The following KDM5D variants were observed in gnomAD, a reference collection of about 807,000 sequenced individuals.
KDM5D encodes the protein lysine-specific demethylase 5D.
Under a neutral mutation model 31.9 loss-of-function variants are expected in KDM5D, and 25 were observed. The observed-to-expected ratio is 0.78, with a 90% CI of 0.57 to 1.09. KDM5D has a LOEUF of 1.09. KDM5D is among the 50% of genes least tolerant of loss of function. The pLI, the probability that KDM5D is intolerant of heterozygous loss-of-function variation, is 0.00. For missense variants in KDM5D, 366 were observed against 341.6 expected, an observed-to-expected ratio of 1.07 and a Z score of -0.56; for synonymous variants, 146 against 122.3, an observed-to-expected ratio of 1.19 and a Z score of -1.28.
intron 11 of KDM5D, among the ~76,000 whole-genome samples, chrY:19,730,180 C>T: frequency 3.0e-5 from 1 of 33,853 alleles, no homozygotes; most frequent in Admixed American, 2.7e-4. Flanking sequence ...AGAGAACACA[C>T]AACGTAACAT....
intron 11 of KDM5D, among the ~76,000 whole-genome samples, chrY:19,724,706 G>C (rs2045417739): frequency 3.0e-5 from 1 of 33,345 alleles, no homozygotes; most frequent in African/African-American, 1.2e-4. Flanking sequence ...AGTATTGGAA[G>C]TTCTGGCCAG....
chrY:19,718,575 G>A (rs752789125), intron 13 of KDM5D, among the ~76,000 whole-genome samples: 1 of 34,168 alleles, frequency 2.9e-5, no homozygotes, highest in South Asian at 6.4e-4. Context: ...GACTTTTCTG[G>A]AGAAATTAAA....
chrY:19,709,509 C>T lies in KDM5D; in HGVS notation c.2884G>A (p.Glu962Lys). The change falls in exon 20 of 27, where the codon GAA (glutamate) becomes AAA (lysine). Residue 962 changes from glutamate (E) to lysine (K), a missense_variant. Transcript: ENST00000317961. ...SVDKARAELQ[E>K]LLTIAERWEE... ...CAGCGCTCTGCAATGGTCAGTAGTT[C>T]TTGCAGCTCAGCCCGGGCCTTGTCC... The T allele has an allele frequency of 5.0e-6, 2 of 396,882 alleles. No individual in the cohort carries two copies. Among genetic ancestry groups the T allele is most frequent in the Non-Finnish European group, 7.1e-6 (2 of 282,998 alleles).
intron 5 of KDM5D, among the ~76,000 whole-genome samples, chrY:19,740,435 G>A: frequency 3.1e-5 from 1 of 32,161 alleles, no homozygotes; most frequent in Admixed American, 2.8e-4. Flanking sequence ...GCATAGTCAC[G>A]CGCCTGTAGC....
At chrY:19,742,448 A>C (rs2045559446) in intron 3 of KDM5D, among the ~76,000 whole-genome samples, 1 of 34,274 alleles carries the variant, frequency 2.9e-5, no homozygotes, top group South Asian at 6.4e-4. Context: ...AAAGCAGAAC[A>C]TATGTAATAC....
chrY:19,709,434 G>A lies in KDM5D; in HGVS notation c.2942+17C>T. On this transcript the variant is annotated intron_variant, in intron 20 of 26. Coordinates refer to ENST00000317961, the MANE Select transcript of KDM5D (RefSeq NM_004653.5). Reference sequence around the variant, plus strand: ...GGATTATAGTCAAGATACAGACAGGGAGAGACTACGCCCCACCTGGCCTCC... The same window carrying A: ...GGATTATAGTCAAGATACAGACAGGAAGAGACTACGCCCCACCTGGCCTCC... 2.5e-6 allele frequency: 1 copy of A among 398,098 alleles called. No individual in the cohort carries two copies. Among genetic ancestry groups the A allele is most frequent in the Non-Finnish European group, 3.5e-6 (1 of 282,986 alleles).
chrY:19,715,345 C>T lies in KDM5D; in HGVS notation c.2486+7G>A. 2.5e-6 allele frequency: 1 copy of T among 397,592 alleles called. No individual in the cohort carries two copies. The highest frequency in any genetic ancestry group is 3.5e-6 in the Non-Finnish European group (1 of 282,704). ...GACACCCTTCTTTGCCTTCTCCTCTCACGTACCTGGCCACCTGACCACTGA... is the reference window on the plus strand; with the variant it reads ...GACACCCTTCTTTGCCTTCTCCTCTTACGTACCTGGCCACCTGACCACTGA... On this transcript the variant is annotated splice_region_variant and intron_variant, in intron 18 of 26. Coordinates refer to ENST00000317961, the MANE Select transcript of KDM5D (RefSeq NM_004653.5).
At position 19,707,269 on chromosome Y, in the gene KDM5D, G is replaced by A; in HGVS notation, c.3877C>T (p.Arg1293Ter). Residue 1293 changes from arginine (R) to a stop codon, truncating the protein, a stop_gained, in exon 24 of 27, where the codon CGA (arginine) becomes TGA (stop). Coordinates refer to ENST00000317961, the MANE Select transcript of KDM5D (RefSeq NM_004653.5). LOFTEE classifies it high-confidence loss of function. Reference protein sequence around the residue: ...LASEDVTALLRQLAELRQQLQ... With the variant: ...LASEDVTALL ...TGTTGGCGAAGCTCAGCCAGCTGTC[G>A]CAACAGAGCAGTCACATCTTCAGAG... 1 of 396,160 alleles carries A rather than the reference G, an allele frequency of 2.5e-6. No individual in the cohort carries two copies. Among genetic ancestry groups the A allele is most frequent in the Non-Finnish European group, 3.5e-6 (1 of 282,048 alleles).
At chrY:19,714,073 C>A in intron 18 of KDM5D, among the ~76,000 whole-genome samples, 1 of 33,183 alleles carries the variant, frequency 3.0e-5, no homozygotes, top group Non-Finnish European at 7.4e-5. Context: ...ACCACATGTT[C>A]TCACTAATAT....
intron 15 of KDM5D, 53 bp from the exon 16 acceptor site, chrY:19,716,057 C>T: frequency 3.1e-6 from 1 of 319,992 alleles, no homozygotes; most frequent in Non-Finnish European, 4.6e-6. Flanking sequence ...GGGTTGTGGA[C>T]ACCCCACCTC....
At chrY:19,741,614 G>T in intron 4 of KDM5D, 121 bp downstream of exon 4, 4 of 248,423 alleles carry the variant, frequency 1.6e-5, no homozygotes, top group Admixed American at 9.7e-5. Context: ...AAGACTCAAA[G>T]ATTACGTCAA....
chrY:19,706,163 C>T lies in KDM5D; in HGVS notation c.4452G>A (p.Gln1484=). 1 of 395,986 alleles carries T rather than the reference C, an allele frequency of 2.5e-6. No individual in the cohort carries two copies. Among genetic ancestry groups the T allele is most frequent in the Non-Finnish European group, 3.5e-6 (1 of 282,117 alleles). ...ACATATTTTCACGGTCTGCTTTCTCCTGATAATGTTCTTCTTCTCGGCCCA... is the reference window on the plus strand; with the variant it reads ...ACATATTTTCACGGTCTGCTTTCTCTTGATAATGTTCTTCTTCTCGGCCCA... ...SQVGREEEHY[Q]EKADRENMFL... The change falls in exon 27 of 27, where the codon CAG becomes CAA. Residue 1484 remains glutamine, a synonymous_variant. Transcript: ENST00000317961.
intron 2 of KDM5D, among the ~76,000 whole-genome samples, chrY:19,743,541 G>C (rs2045573985): frequency 3.2e-5 from 1 of 30,829 alleles, no homozygotes; most frequent in Non-Finnish European, 7.7e-5. Context: ...ACGCACATCT[G>C]AACAAACACT....
intron 11 of KDM5D, among the ~76,000 whole-genome samples, chrY:19,730,689 CAT>C (rs755696205): frequency 0.082 from 2,692 of 32,841 alleles, no homozygotes; most frequent in Non-Finnish European, 0.03. Context: ...TTTTGAACGT[CAT>C]AGAGTATACT....
chrY:19,722,440 A>G (rs775506429), intron 11 of KDM5D: 2 of 33,615 alleles, frequency 5.9e-5, no homozygotes, highest in African/African-American at 2.3e-4. Flanking sequence ...CTACTAAAAG[A>G]AGACATAAGA....
At chrY:19,709,400 A>C (rs747568223) in intron 20 of KDM5D, 51 bp downstream of exon 20, 1 of 392,823 alleles carries the variant, frequency 2.5e-6, no homozygotes, top group Admixed American at 7.6e-5. Context: ...GGTCACCCCA[A>C]AACTTTGAGG....
At chrY:19,712,481 A>T in intron 18 of KDM5D, among the ~76,000 whole-genome samples, 1 of 34,369 alleles carries the variant, frequency 2.9e-5, no homozygotes, top group African/African-American at 1.1e-4. Flanking sequence ...TGCATCACAT[A>T]ATACCTGATA....
intron 13 of KDM5D, among the ~76,000 whole-genome samples, chrY:19,719,849 T>C: frequency 3.0e-5 from 1 of 33,144 alleles, no homozygotes; most frequent in Non-Finnish European, 7.4e-5. Flanking sequence ...GATTTCTCAT[T>C]AGAAATAACG....
At chrY:19,707,835 A>C in intron 23 of KDM5D, 89 bp from the exon 24 acceptor site, 1 of 381,338 alleles carries the variant, frequency 2.6e-6, no homozygotes, top group Non-Finnish European at 3.7e-6. Flanking sequence ...AAACCAGGAG[A>C]CCTGTAACAG....
Sources: gnomAD v4.1 joint callset for allele counts (sites outside exome capture counted in the v4.1 genomes callset) on GRCh38, gnomAD v4.1.1 for gene constraint, MANE v1.5 for transcripts, NCBI Gene and HGNC (gene_info 2026-07-23, HGNC 2026-07-21) for gene names.